Variants in OR2L13 observed in about 807,000 individuals in gnomAD.
The protein encoded by OR2L13 is olfactory receptor family 2 subfamily L member 13, also known as olfactory receptor 2L13.
Under a neutral mutation model 15.3 loss-of-function variants are expected in OR2L13, and 14 were observed. The observed-to-expected ratio is 0.91, with a 90% CI of 0.60 to 1.43. OR2L13 has a LOEUF of 1.43. Ranked by LOEUF, OR2L13 falls within the 40% of genes most tolerant of loss-of-function variation. OR2L13 has a pLI of 0.00. For synonymous variants in OR2L13, 152 were observed against 142.9 expected (o/e 1.06, Z -0.45); for missense variants, 367 against 387.9 (o/e 0.95, Z 0.45).
the OR2L13 span, among the ~76,000 whole-genome samples, chr1:248,044,825 A>AC: frequency 3.7e-5 from 3 of 81,304 alleles, 1 homozygote; most frequent in Non-Finnish European, 6.2e-5. Context: ...AAAAAAAAAA[A>AC]AAAAAAAAAA....
At chr1:248,022,580 T>C in the OR2L13 span, 1 of 1,614,216 alleles carries the variant, frequency 6.2e-7, no homozygotes, top group Non-Finnish European at 8.5e-7. Context: ...TTCCCTTCAC[T>C]GGCATTGCGT....
At chr1:247,970,447 T>C in the OR2L13 span, among the ~76,000 whole-genome samples, 12 of 152,278 alleles carry the variant, frequency 7.9e-5, no homozygotes, top group South Asian at 1.0e-3. Flanking sequence ...TTTCTTGTTA[T>C]GCATCATGAA....
upstream of OR2L13, among the ~76,000 whole-genome samples, chr1:248,090,718 G>A (rs1039524380): frequency 1.1e-4 from 16 of 152,096 alleles, no homozygotes; most frequent in Non-Finnish European, 5.9e-5. Context: ...CCATGTCTTC[G>A]CTATTGTGAA....
At chr1:247,948,324 A>G in the OR2L13 span, among the ~76,000 whole-genome samples, 5 of 152,360 alleles carry the variant, frequency 3.3e-5, no homozygotes, top group East Asian at 9.6e-4. Flanking sequence ...GTGACTTTCT[A>G]TGCATAGGTA....
chr1:248,094,746 A>T (rs1283873516), upstream of OR2L13, among the ~76,000 whole-genome samples: 1 of 152,222 alleles, frequency 6.6e-6, no homozygotes, highest in East Asian at 1.9e-4. Flanking sequence ...AGTCACAATC[A>T]TCAATCATTC....
At chr1:247,979,753 A>T in the OR2L13 span, among the ~76,000 whole-genome samples, 2 of 152,004 alleles carry the variant, frequency 1.3e-5, no homozygotes, top group African/African-American at 4.8e-5. Flanking sequence ...CCGCTGGGAG[A>T]TGTAGACTGG....
the OR2L13 span, among the ~76,000 whole-genome samples, chr1:248,056,659 G>T: frequency 7.7e-6 from 1 of 130,618 alleles, no homozygotes; most frequent in African/African-American, 2.6e-5. Context: ...GTAGTTGTGT[G>T]GTTTTGAGGG....
the OR2L13 span, chr1:248,022,589 G>A: frequency 4.9e-5 from 79 of 1,614,004 alleles, no homozygotes; most frequent in Admixed American, 1.0e-4. Context: ...CTGGCATTGC[G>A]TGTTCCTATG....
chr1:248,023,571 A>T, the OR2L13 span: 1 of 152,198 alleles, frequency 6.6e-6, no homozygotes, highest in African/African-American at 2.4e-5. Context: ...GGGTATTCTC[A>T]TGCAAGACGT....
the OR2L13 span, among the ~76,000 whole-genome samples, chr1:248,067,661 C>T: frequency 5.3e-5 from 8 of 152,154 alleles, no homozygotes; most frequent in Admixed American, 1.3e-4. Context: ...GTGGGTGCAG[C>T]GCACCGTGTG....
the OR2L13 span, among the ~76,000 whole-genome samples, chr1:248,069,167 A>T: frequency 1.3e-5 from 2 of 152,176 alleles, no homozygotes; most frequent in African/African-American, 4.8e-5. Flanking sequence ...CAAGACACAT[A>T]ATTGTCAGAT....
the OR2L13 span, among the ~76,000 whole-genome samples, chr1:248,044,197 A>C: frequency 1.3e-5 from 2 of 151,970 alleles, no homozygotes; most frequent in East Asian, 3.9e-4. Flanking sequence ...ACGAGTGGAC[A>C]ATAATTATGT....
chr1:248,045,901 A>G, the OR2L13 span: 8 of 152,332 alleles, frequency 5.3e-5, no homozygotes, highest in African/African-American at 1.7e-4. Flanking sequence ...ATATCAAAAT[A>G]TGTATCACAA....
chr1:247,980,877 T>C, the OR2L13 span: 1 of 152,200 alleles, frequency 6.6e-6, no homozygotes, highest in Admixed American at 6.5e-5. Context: ...ATGATGCCTG[T>C]ACGACTCCTC....
At chr1:248,003,869 G>T in the OR2L13 span, 3 of 1,612,604 alleles carry the variant, frequency 1.9e-6, no homozygotes, top group Non-Finnish European at 2.5e-6. Context: ...CCTCACTGTA[G>T]TAACTTTCTA....
the OR2L13 span, chr1:247,965,578 A>G: frequency 3.1e-5 from 50 of 1,597,882 alleles, no homozygotes; most frequent in African/African-American, 2.1e-4. Flanking sequence ...TCAGCTCTCC[A>G]TCGTTGACCT....
chr1:247,940,842 T>G, the OR2L13 span, among the ~76,000 whole-genome samples: 195 of 152,228 alleles, frequency 1.3e-3, 1 homozygote, highest in Middle Eastern at 0.014. Context: ...CCATAGCTGC[T>G]GGACTAATTT....
chr1:248,069,012 A>G, the OR2L13 span, among the ~76,000 whole-genome samples: 2 of 152,338 alleles, frequency 1.3e-5, no homozygotes, highest in East Asian at 3.9e-4. Context: ...TGTACCTGAA[A>G]GTGACGGGGA....
chr1:248,003,451 C>T, the OR2L13 span: 78 of 1,607,940 alleles, frequency 4.9e-5, no homozygotes, highest in South Asian at 4.7e-4. Flanking sequence ...CGACTTTAGC[C>T]GTTGTAGAAG....
Sources: gnomAD v4.1 joint callset for allele counts (sites outside exome capture counted in the v4.1 genomes callset) on GRCh38, gnomAD v4.1.1 for gene constraint, MANE v1.5 for transcripts, NCBI Gene and HGNC (gene_info 2026-07-23, HGNC 2026-07-21) for gene names.